ESRP1: variants seen among roughly 807,000 people sequenced by gnomAD.
ESRP1 encodes epithelial splicing regulatory protein 1, also known as RNA-binding motif protein 35A.
ESRP1 carries 33 observed loss-of-function variants against 81.7 expected under a neutral mutation model. The ratio of observed to expected loss-of-function variants is 0.40; its 90% CI spans 0.31 to 0.54. The LOEUF (loss-of-function observed/expected upper bound fraction) is 0.54, where lower values mean the gene tolerates loss of function less well. Among genes scored for constraint, ESRP1 ranks in the 20% least tolerant of loss-of-function variants. ESRP1 has a pLI of 0.41. For synonymous variants in ESRP1, 320 were observed against 303.3 expected, an observed-to-expected ratio of 1.06 and a Z score of -0.57; for missense variants, 672 against 833.1, an observed-to-expected ratio of 0.81 and a Z score of 2.38.
intron 13 of ESRP1, among the ~76,000 whole-genome samples, chr8:94,690,605 T>C (rs1445312109): frequency 6.6e-6 from 1 of 152,176 alleles, no homozygotes; most frequent in African/African-American, 2.4e-5. Context: ...GATGGTACCT[T>C]AGATGCGGAA....
chr8:94,663,645 T>C (rs1267315640), intron 6 of ESRP1, among the ~76,000 whole-genome samples: 1 of 152,172 alleles, frequency 6.6e-6, no homozygotes, highest in Non-Finnish European at 1.5e-5. Flanking sequence ...ATCACTCTAA[T>C]GAATTGAGTG....
At chr8:94,683,228 G>A (rs1049698021) in intron 13 of ESRP1, among the ~76,000 whole-genome samples, 1 of 151,934 alleles carries the variant, frequency 6.6e-6, no homozygotes, top group African/African-American at 2.4e-5. Context: ...ACAGGCGTAA[G>A]CCACCGCGCC....
At chr8:94,670,350 T>C (rs766028514) in intron 10 of ESRP1, among the ~76,000 whole-genome samples, 6 of 152,300 alleles carry the variant, frequency 3.9e-5, no homozygotes, top group Non-Finnish European at 7.4e-5. Flanking sequence ...TTCTTGTTCT[T>C]CTAATGTTTT....
At position 94,693,677 on chromosome 8, in the gene ESRP1, C is replaced by T. The variant is rs534584691; in HGVS notation, c.1971+850C>T. On this transcript the variant is annotated intron_variant, in intron 14 of 15. Transcript: ENST00000433389. The stretch of plus-strand genomic sequence containing the variant: ...GTCTTTGGAGTGGAGAAGCTGTTTT[C>T]GGAATAATAGTCACATTCTAAAATA... 5.9e-5 allele frequency among the ~76,000 whole-genome samples: 9 copies of T among 152,208 alleles called. No homozygotes were observed. The East Asian group carries it at 1.7e-3, about 29-fold the overall frequency.
chr8:94,657,472 C>CATGTGTGT (rs143972225), intron 4 of ESRP1, among the ~76,000 whole-genome samples: 2 of 146,156 alleles, frequency 1.4e-5, no homozygotes, highest in East Asian at 2.0e-4. Flanking sequence ...AGGCTGTGTG[C>CATGTGTGT]GTGTGTGTGT....
At chr8:94,641,477 G>T in intron 1 of ESRP1, 27 bp downstream of exon 1, 1 of 1,613,796 alleles carries the variant, frequency 6.2e-7, no homozygotes, top group Non-Finnish European at 8.5e-7. Flanking sequence ...TCGTCTAAAT[G>T]CAAGGAATGG....
At chr8:94,670,454 CCT>C (rs1039370625) in intron 10 of ESRP1, among the ~76,000 whole-genome samples, 1 of 151,980 alleles carries the variant, frequency 6.6e-6, no homozygotes, top group Non-Finnish European at 1.5e-5. Flanking sequence ...ATTTTTGTCC[CCT>C]CTTACTCAGA....
At chr8:94,649,132 A>T (rs1278196974) in intron 4 of ESRP1, among the ~76,000 whole-genome samples, 1 of 152,222 alleles carries the variant, frequency 6.6e-6, no homozygotes, top group African/African-American at 2.4e-5. Flanking sequence ...GAGGCAGAAG[A>T]ATCACTTGAA....
chr8:94,695,441 A>C (rs1293819602), intron 14 of ESRP1, among the ~76,000 whole-genome samples: 2 of 122,506 alleles, frequency 1.6e-5, no homozygotes, highest in African/African-American at 6.2e-5. Flanking sequence ...TGCAACCTCC[A>C]CCTCCTGGGT....
At chr8:94,676,156 A>AT (rs1375858476) in intron 12 of ESRP1, among the ~76,000 whole-genome samples, 2 of 152,068 alleles carry the variant, frequency 1.3e-5, no homozygotes, top group Non-Finnish European at 2.9e-5. Context: ...GGTGGATCAC[A>AT]TAAGGTCAGG....
intron 6 of ESRP1, among the ~76,000 whole-genome samples, chr8:94,662,855 G>A (rs1464464300): frequency 6.6e-6 from 1 of 152,106 alleles, no homozygotes; most frequent in Non-Finnish European, 1.5e-5. Context: ...TGATCTGCCC[G>A]CCTCGCCTCC....
At chr8:94,682,932 A>ATATATATATATATATATTTT (rs1808974140) in intron 13 of ESRP1, among the ~76,000 whole-genome samples, 1 of 18,092 alleles carries the variant, frequency 5.5e-5, no homozygotes, top group African/African-American at 3.4e-4. Context: ...ATATATATAT[A>ATATATATATATATATATTTT]TTTTTTTTTT....
chr8:94,692,582 T>A, intron 13 of ESRP1, 95 bp from the exon 14 acceptor site: 1 of 1,353,166 alleles, frequency 7.4e-7, no homozygotes, highest in Non-Finnish European at 1.0e-6. Context: ...AAGGTTGCCT[T>A]GAGAAATTCT....
chr8:94,669,742 C>T (rs546683837), intron 10 of ESRP1, among the ~76,000 whole-genome samples: 4 of 151,928 alleles, frequency 2.6e-5, no homozygotes, highest in South Asian at 4.2e-4. Context: ...TGGCAGTGTG[C>T]GCCTTTAGTC....
intron 10 of ESRP1, among the ~76,000 whole-genome samples, chr8:94,669,874 C>CAAA (rs1263306176): frequency 2.1e-3 from 187 of 89,608 alleles, no homozygotes; most frequent in African/African-American, 7.0e-3. Context: ...CTCCCGCTAC[C>CAAA]AAAAAAAAAA....
chr8:94,641,761 CT>C (rs1817605578), intron 1 of ESRP1, 194 bp from the exon 2 acceptor site: 19 of 848,290 alleles, frequency 2.2e-5, no homozygotes, highest in Non-Finnish European at 3.1e-5. Context: ...ACTTCCAGGG[CT>C]TTTCCGACCT....
At chr8:94,700,953 ATGTGTGTGTGTGTGTGTG>A (rs371493650) in intron 15 of ESRP1, among the ~76,000 whole-genome samples, 2 of 137,294 alleles carry the variant, frequency 1.5e-5, no homozygotes, top group Admixed American at 7.4e-5. Context: ...GTGTGTGTGT[ATGTGTGTGTGTGTGTGTG>A]TGTGTGTGTG....
At position 94,692,678 on chromosome 8, in the gene ESRP1, C is replaced by T. The variant is rs759368856; in HGVS notation, c.1822C>T (p.Pro608Ser). The change falls in exon 14 of 16, where the codon CCC becomes TCC. Residue 608 changes from proline to serine, a missense_variant and splice_region_variant. Transcript: ENST00000433389. ...FMNYTAYYPSPPGSPNSLGYF... is the reference protein window; with the variant it reads ...FMNYTAYYPSSPGSPNSLGYF... ...TCACTGTGCTTTCTCTCCCTTTAGC[C>T]CCCCAGGTTCGCCTAATAGTCTTGG... 2.5e-6 allele frequency: 4 copies of T among 1,612,996 alleles called. No homozygotes were observed. In the East Asian group the frequency reaches 6.7e-5, roughly 27 times the overall value.
Position 94,706,236 on chromosome 8 carries a change from A to T in ESRP1, c.*347A>T. 1 of 348,616 alleles carries T rather than the reference A, an allele frequency of 2.9e-6. No homozygotes were observed. The highest frequency in any genetic ancestry group is 5.0e-5 in the East Asian group (1 of 19,882). 21.6% of individuals were successfully genotyped at this position (348,616 alleles called of 1,614,324 possible). The stretch of plus-strand genomic sequence containing the variant: ...CATCATAGGTGTTTCCTAAGTTTTA[A>T]GTCTTGGATAAAAACTCCACCAGTG... On this transcript the variant is annotated 3_prime_UTR_variant, in exon 16 of 16. Transcript: ENST00000433389.
Sources: allele counts gnomAD v4.1 joint callset (sites outside exome capture counted in the v4.1 genomes callset), GRCh38; gene constraint gnomAD v4.1.1; transcripts MANE v1.5; gene names NCBI Gene and HGNC (gene_info 2026-07-23, HGNC 2026-07-21).